TBX15: variants seen among roughly 807,000 people sequenced by gnomAD.
TBX15 encodes the protein T-box transcription factor TBX15.
Under a neutral mutation model 53.9 loss-of-function variants are expected in TBX15, and 18 were observed. That is an observed-to-expected ratio of 0.33 (90% CI 0.23 to 0.49). The LOEUF is 0.49. TBX15 is among the 20% of genes least tolerant of loss of function. The pLI is 0.98. For missense variants in TBX15, 692 were observed against 749.5 expected (o/e 0.92, Z 0.90); for synonymous variants, 295 against 278.0 (o/e 1.06, Z -0.61).
chr1:118,918,232 ATTTACATG>A (rs1249214670), intron 5 of TBX15, among the ~76,000 whole-genome samples: 1 of 152,124 alleles, frequency 6.6e-6, no homozygotes, highest in Non-Finnish European at 1.5e-5. Context: ...GTATTTTTGT[ATTTACATG>A]TTTACTAAAT....
At chr1:118,985,726 G>A (rs772388798) in intron 1 of TBX15, among the ~76,000 whole-genome samples, 1 of 152,126 alleles carries the variant, frequency 6.6e-6, no homozygotes, top group Non-Finnish European at 1.5e-5. Context: ...AAATGATAAC[G>A]TAATGGGAAA....
At chr1:118,903,802 T>TC (rs2101526931) in intron 6 of TBX15, among the ~76,000 whole-genome samples, 1 of 152,274 alleles carries the variant, frequency 6.6e-6, no homozygotes, top group African/African-American at 2.4e-5. Context: ...GTCTTGTTTT[T>TC]TAAAAAAGGA....
chr1:118,957,248 G>T (rs1330883734), intron 1 of TBX15, among the ~76,000 whole-genome samples: 2 of 152,282 alleles, frequency 1.3e-5, no homozygotes, highest in Non-Finnish European at 2.9e-5. Context: ...AAAAGGAAAT[G>T]AAGAATTTGG....
intron 1 of TBX15, among the ~76,000 whole-genome samples, chr1:118,986,747 A>G (rs769953153): frequency 2.6e-5 from 4 of 152,130 alleles, no homozygotes; most frequent in Admixed American, 6.5e-5. Context: ...CGCTAAACCA[A>G]GTTGCGAGCG....
At chr1:118,904,990 T>G (rs569608414) in intron 6 of TBX15, among the ~76,000 whole-genome samples, 8 of 152,276 alleles carry the variant, frequency 5.3e-5, no homozygotes, top group Non-Finnish European at 8.8e-5. Context: ...ATTTAATAAA[T>G]GCAGACTGAT....
upstream of TBX15, chr1:118,989,405 CAG>C (rs1657963198): frequency 6.6e-6 from 1 of 152,328 alleles, no homozygotes; most frequent in Middle Eastern, 3.4e-3. Flanking sequence ...CCCCCGAGTG[CAG>C]AGAAAGCTCA....
At chr1:118,914,288 T>C in intron 5 of TBX15, 109 bp from the exon 6 acceptor site, 2 of 1,031,994 alleles carry the variant, frequency 1.9e-6, no homozygotes, top group Non-Finnish European at 2.9e-6. Flanking sequence ...GTTGCTTTTA[T>C]TTAATTTCCT....
chr1:118,958,102 A>T (rs753987206), intron 1 of TBX15, among the ~76,000 whole-genome samples: 6 of 152,268 alleles, frequency 3.9e-5, no homozygotes, highest in Admixed American at 6.5e-5. Context: ...GTCCCCACAA[A>T]ATTCTTATGT....
At chr1:118,968,458 C>T (rs187525348) in intron 1 of TBX15, among the ~76,000 whole-genome samples, 17 of 152,280 alleles carry the variant, frequency 1.1e-4, no homozygotes, top group Admixed American at 3.3e-4. Flanking sequence ...CTGCCCACCT[C>T]GGCCTCCCAA....
intron 1 of TBX15, among the ~76,000 whole-genome samples, chr1:118,942,829 A>T (rs1452988118): frequency 6.6e-6 from 1 of 152,186 alleles, no homozygotes; most frequent in Non-Finnish European, 1.5e-5. Flanking sequence ...GGAAAGGATC[A>T]AGTTCTACAA....
In TBX15 at chr1:118,884,999, A is replaced by T. The variant is rs1653882009; in HGVS notation, c.1542T>A (p.Pro514=). Residue 514 remains proline, a synonymous_variant, in exon 8 of 8, where the codon CCT becomes CCA. Transcript: ENST00000369429. ...GGAAATTGTATCCATACAGGTTGTA[A>T]GGGTTGTGAAGGGAGAAGGCATTGT... ...SSYNAFSLHN[P]YNLYGYNFPT... 1 of 1,613,952 alleles carries T rather than the reference A, an allele frequency of 6.2e-7. No homozygotes were observed. Among genetic ancestry groups the T allele is most frequent in the Non-Finnish European group, 8.5e-7 (1 of 1,180,030 alleles).
intron 7 of TBX15, among the ~76,000 whole-genome samples, chr1:118,889,122 T>C (rs921541656): frequency 5.9e-5 from 9 of 152,190 alleles, no homozygotes; most frequent in Admixed American, 5.9e-4. Flanking sequence ...GGCAAGGCTG[T>C]CCAAGAAAAG....
At chr1:118,894,698 C>G (rs1161148396) in intron 7 of TBX15, among the ~76,000 whole-genome samples, 1 of 152,080 alleles carries the variant, frequency 6.6e-6, no homozygotes. Flanking sequence ...TCCGGGATAT[C>G]AAGTGTTCTC....
Position 118,987,924 on chromosome 1 carries a change from C to G in TBX15, c.-129G>C. 8.4e-7 allele frequency: 1 copy of G among 1,186,592 alleles called. No individual in the cohort carries two copies. The allele number at this position is 1,186,592 out of a possible 1,614,324, so 73.5% of individuals were successfully genotyped here. A position where few individuals can be genotyped will look rare whatever the true frequency, so the allele number is the denominator to read the frequency against. On this transcript the variant is annotated 5_prime_UTR_variant, in exon 1 of 8. Coordinates refer to ENST00000369429, the MANE Select transcript of TBX15 (RefSeq NM_001330677.2). ...GGCGCGTCGGACGAGGCTGAGACTG[C>G]GGCTCGCGGGTCTCTCCACCCTCCC...
At chr1:118,969,523 A>G (rs564458610) in intron 1 of TBX15, among the ~76,000 whole-genome samples, 1 of 152,334 alleles carries the variant, frequency 6.6e-6, no homozygotes, top group Admixed American at 6.5e-5. Flanking sequence ...TGGGTCCTTC[A>G]TGACCTATAA....
intron 1 of TBX15, among the ~76,000 whole-genome samples, chr1:118,980,919 G>A (rs1322547037): frequency 3.3e-5 from 5 of 151,534 alleles, no homozygotes; most frequent in Admixed American, 2.6e-4. Flanking sequence ...TGCAACCTCC[G>A]CCTCCCTGGT....
intron 2 of TBX15, among the ~76,000 whole-genome samples, chr1:118,931,259 G>A (rs1655771955): frequency 6.6e-6 from 1 of 152,212 alleles, no homozygotes; most frequent in African/African-American, 2.4e-5. Flanking sequence ...GAAGATGCAA[G>A]TTGTTATTTG....
At chr1:118,972,425 G>A (rs1029026000) in intron 1 of TBX15, among the ~76,000 whole-genome samples, 1 of 152,140 alleles carries the variant, frequency 6.6e-6, no homozygotes, top group African/African-American at 2.4e-5. Flanking sequence ...AGAATTTTAT[G>A]GGAAAAAGCA....
chr1:118,949,729 T>C (rs1001783534), intron 1 of TBX15, among the ~76,000 whole-genome samples: 13 of 152,234 alleles, frequency 8.5e-5, no homozygotes, highest in African/African-American at 2.9e-4. Context: ...GCTGCTACTT[T>C]TCCTGCCTTT....
Sources: allele counts gnomAD v4.1 joint callset (sites outside exome capture counted in the v4.1 genomes callset), GRCh38; gene constraint gnomAD v4.1.1; transcripts MANE v1.5; gene names NCBI Gene and HGNC (gene_info 2026-07-23, HGNC 2026-07-21).